CTNNA2: variants seen among roughly 807,000 people sequenced by gnomAD.
CTNNA2 encodes the protein catenin alpha-2.
Under a neutral mutation model 101.0 loss-of-function variants are expected in CTNNA2, and 42 were observed. That is an observed-to-expected ratio of 0.42 (90% CI 0.32 to 0.54). The LOEUF (loss-of-function observed/expected upper bound fraction) is 0.54. Among genes scored for constraint, CTNNA2 ranks in the 20% least tolerant of loss-of-function variants. CTNNA2 has a pLI of 0.14. For missense variants in CTNNA2, 871 were observed against 1,223.1 expected, an observed-to-expected ratio of 0.71 and a Z score of 4.29; for synonymous variants, 450 against 456.4, an observed-to-expected ratio of 0.99 and a Z score of 0.18.
intron 3 of CTNNA2, among the ~76,000 whole-genome samples, chr2:79,787,136 G>C (rs2105230831): frequency 6.6e-6 from 1 of 152,238 alleles, no homozygotes; most frequent in African/African-American, 2.4e-5. Flanking sequence ...GGTGCTAAAT[G>C]ATCCTCGCTT....
At chr2:79,615,421 T>C (rs1678551788) in intron 1 of CTNNA2, among the ~76,000 whole-genome samples, 2 of 152,322 alleles carry the variant, frequency 1.3e-5, no homozygotes, top group Non-Finnish European at 2.9e-5. Context: ...GAGTTTATAA[T>C]AGCTGTCTTG....
chr2:80,262,262 A>G (rs1397010085), intron 7 of CTNNA2, among the ~76,000 whole-genome samples: 1 of 152,092 alleles, frequency 6.6e-6, no homozygotes, highest in Non-Finnish European at 1.5e-5. Context: ...TATAATAACT[A>G]TAAAGTAAAT....
At chr2:79,725,317 A>G (rs533982996) in intron 2 of CTNNA2, among the ~76,000 whole-genome samples, 5 of 152,196 alleles carry the variant, frequency 3.3e-5, no homozygotes, top group Non-Finnish European at 7.3e-5. Context: ...ACTGACTTCT[A>G]TGTGACTTTA....
intron 3 of CTNNA2, among the ~76,000 whole-genome samples, chr2:79,846,212 C>T (rs944060831): frequency 5.9e-5 from 9 of 152,128 alleles, no homozygotes; most frequent in Non-Finnish European, 1.2e-4. Context: ...GTAGAATTTT[C>T]TATCTTTAAT....
At chr2:80,496,917 C>T (rs1687520710) in intron 9 of CTNNA2, among the ~76,000 whole-genome samples, 1 of 152,108 alleles carries the variant, frequency 6.6e-6, no homozygotes, top group Non-Finnish European at 1.5e-5. Context: ...TATTAATCCC[C>T]CATGTTTATG....
At chr2:79,649,373 C>T (rs190263449) in intron 1 of CTNNA2, 56 of 154,796 alleles carry the variant, frequency 3.6e-4, no homozygotes, top group East Asian at 3.9e-4. Flanking sequence ...ACAGAACTTC[C>T]GTGTTCATCA....
chr2:80,068,230 T>G lies in CTNNA2; in HGVS notation c.1056+158433T>G, dbSNP rs182583687. Among the ~76,000 whole-genome samples, 5 of 152,294 alleles carry G rather than the reference T, an allele frequency of 3.3e-5. No individual in the cohort carries two copies. In the East Asian group the frequency reaches 9.7e-4, roughly 29 times the overall value. Reference sequence around the variant, plus strand: ...CAACCTCACAACCTCACACTGTTGCTTATAAGCACAGTACTGGAGGCCAGT... The same window carrying G: ...CAACCTCACAACCTCACACTGTTGCGTATAAGCACAGTACTGGAGGCCAGT... On this transcript the variant is annotated intron_variant, in intron 7 of 18. Transcript: ENST00000402739.
intron 6 of CTNNA2, among the ~76,000 whole-genome samples, chr2:79,894,002 C>G (rs1437646334): frequency 1.3e-5 from 1 of 77,120 alleles, no homozygotes; most frequent in Non-Finnish European, 3.1e-5. Flanking sequence ...TCTTCTTCTT[C>G]TTCTTCTTCT....
intron 7 of CTNNA2, among the ~76,000 whole-genome samples, chr2:80,133,273 G>T (rs1043925045): frequency 2.6e-5 from 4 of 152,122 alleles, no homozygotes; most frequent in African/African-American, 9.7e-5. Flanking sequence ...CCCCTAGAGG[G>T]TTCTGAGGGA....
rs1485614463 is a variant in CTNNA2, at chr2:79,528,985, C to T, written c.-6+15778C>T. 2.0e-5 allele frequency among the ~76,000 whole-genome samples: 3 copies of T among 152,066 alleles called. No individual in the cohort carries two copies. In the East Asian group the frequency reaches 5.8e-4, roughly 29 times the overall value. On this transcript the variant is annotated intron_variant, in intron 1 of 18. Transcript: ENST00000402739. Reference sequence around the variant, plus strand: ...GAGGTATATTGGAAGTTATAGGTAGCAGTGATGAAGGAGTGTTTAAAGTAA... The same window carrying T: ...GAGGTATATTGGAAGTTATAGGTAGTAGTGATGAAGGAGTGTTTAAAGTAA...
intron 3 of CTNNA2, among the ~76,000 whole-genome samples, chr2:79,339,293 G>T (rs553427448): frequency 6.6e-6 from 1 of 152,272 alleles, no homozygotes; most frequent in African/African-American, 2.4e-5. Flanking sequence ...GGAGTGAAAA[G>T]GAGTGTTGAG....
chr2:80,174,098 G>A (rs968706123), intron 7 of CTNNA2, among the ~76,000 whole-genome samples: 8 of 152,092 alleles, frequency 5.3e-5, no homozygotes, highest in African/African-American at 9.7e-5. Flanking sequence ...ATATAAAGTC[G>A]TTTTCTCAAT....
intron 4 of CTNNA2, among the ~76,000 whole-genome samples, chr2:79,491,998 C>T (rs937536369): frequency 6.6e-6 from 1 of 152,126 alleles, no homozygotes; most frequent in Non-Finnish European, 1.5e-5. Context: ...CGTTATCTAG[C>T]TCCACATATA....
At chr2:80,237,257 C>T (rs547259195) in intron 7 of CTNNA2, among the ~76,000 whole-genome samples, 1 of 152,160 alleles carries the variant, frequency 6.6e-6, no homozygotes, top group African/African-American at 2.4e-5. Flanking sequence ...GGATATGTTA[C>T]TAAATGTCTG....
At chr2:79,650,161 T>G (rs548628370) in intron 1 of CTNNA2, among the ~76,000 whole-genome samples, 1 of 90,582 alleles carries the variant, frequency 1.1e-5, no homozygotes, top group African/African-American at 5.3e-5. Context: ...CCTGATAGAA[T>G]GTATACTTTT....
At chr2:79,645,106 C>A (rs896479527) in intron 1 of CTNNA2, among the ~76,000 whole-genome samples, 18 of 152,116 alleles carry the variant, frequency 1.2e-4, no homozygotes, top group Admixed American at 1.2e-3. Flanking sequence ...CCTCAGCCTC[C>A]GGAGTAGGTA....
At chr2:80,530,363 G>A (rs939208226) in intron 9 of CTNNA2, among the ~76,000 whole-genome samples, 1 of 152,154 alleles carries the variant, frequency 6.6e-6, no homozygotes, top group Admixed American at 6.6e-5. Flanking sequence ...AAGAGTTGTA[G>A]GGCACTCAAC....
intron 4 of CTNNA2, among the ~76,000 whole-genome samples, chr2:79,419,077 A>G (rs1241835798): frequency 6.6e-6 from 1 of 152,116 alleles, no homozygotes; most frequent in Non-Finnish European, 1.5e-5. Flanking sequence ...TATGCAAAAA[A>G]GCATCATGCC....
intron 9 of CTNNA2, among the ~76,000 whole-genome samples, chr2:80,526,231 G>A (rs965144507): frequency 4.6e-5 from 7 of 151,932 alleles, no homozygotes; most frequent in African/African-American, 1.7e-4. Flanking sequence ...ACAGAGTCTG[G>A]CTCTGTCACC....
Sources: gnomAD v4.1 joint callset for allele counts (sites outside exome capture counted in the v4.1 genomes callset) on GRCh38, gnomAD v4.1.1 for gene constraint, MANE v1.5 for transcripts, NCBI Gene and HGNC (gene_info 2026-07-23, HGNC 2026-07-21) for gene names.